The following ZNF710 variants were observed in gnomAD, a reference collection of about 807,000 sequenced individuals.
ZNF710 encodes zinc finger protein 710.
In ZNF710, 13 loss-of-function variants were observed where a neutral mutation model predicts 50.6. The ratio of observed to expected loss-of-function variants is 0.26; its 90% CI spans 0.17 to 0.41. The LOEUF (loss-of-function observed/expected upper bound fraction) is 0.41, where lower values mean the gene tolerates loss of function less well. Among genes scored for constraint, ZNF710 ranks in the 10% least tolerant of loss-of-function variants. The pLI is 1.00. For missense variants in ZNF710, 721 were observed against 936.6 expected, an observed-to-expected ratio of 0.77 and a Z score of 3.01; for synonymous variants, 383 against 397.0, an observed-to-expected ratio of 0.96 and a Z score of 0.42.
Position 90,062,051 on chromosome 15 carries a change from G to A in ZNF710, c.-28-5059G>A, listed in dbSNP as rs373927845. Among the ~76,000 whole-genome samples the A allele has an allele frequency of 1.0e-3, 157 of 151,900 alleles. No homozygotes were observed. The highest frequency in any genetic ancestry group is 3.4e-3 in the African/African-American group (141 of 41,400). On this transcript the variant is annotated intron_variant, in intron 1 of 4. Transcript: ENST00000268154. This position sits in a 1 kb window ranked among gnomAD's most constrained non-coding sequence, Gnocchi z 5.6. ...CTCAGGCCTGGGAGGTGGAGGTGCC[G>A]AGCCCTGGGAAATAGGGCAGTCCTG...
At chr15:90,054,331 G>C (rs531114894) in intron 1 of ZNF710, among the ~76,000 whole-genome samples, 1 of 152,210 alleles carries the variant, frequency 6.6e-6, no homozygotes, top group African/African-American at 2.4e-5. Context: ...CTTGGTGCAG[G>C]AGGGGTCTGA....
chr15:90,009,162 G>A (rs1898232594), intron 1 of ZNF710, among the ~76,000 whole-genome samples: 1 of 151,628 alleles, frequency 6.6e-6, no homozygotes, highest in African/African-American at 2.4e-5. Flanking sequence ...GTTCTCGGTG[G>A]GACTGCAAGG....
intron 2 of ZNF710, among the ~76,000 whole-genome samples, chr15:90,070,220 C>T (rs1358139360): frequency 6.6e-6 from 1 of 152,184 alleles, no homozygotes; most frequent in Non-Finnish European, 1.5e-5. Context: ...TCTAGCCAGG[C>T]ATGGTGCTGC....
intron 1 of ZNF710, among the ~76,000 whole-genome samples, chr15:90,012,488 T>C (rs1270925237): frequency 6.6e-6 from 1 of 151,912 alleles, no homozygotes; most frequent in African/African-American, 2.4e-5. Flanking sequence ...GCCAGGATAG[T>C]CTCGATCCCC....
chr15:90,055,308 T>G (rs28403233), intron 1 of ZNF710, among the ~76,000 whole-genome samples: 16,319 of 152,042 alleles, frequency 0.11, 1,038 homozygotes, highest in African/African-American at 0.15. Context: ...GGGAGAGGAA[T>G]GAGGAAGAGC....
At chr15:90,041,504 C>A (rs1322865295) in intron 1 of ZNF710, among the ~76,000 whole-genome samples, 1 of 152,148 alleles carries the variant, frequency 6.6e-6, no homozygotes, top group Non-Finnish European at 1.5e-5. Context: ...CAGTGAAATT[C>A]TTTATATCTT....
chr15:90,045,374 T>G lies in ZNF710; in HGVS notation c.-28-21736T>G, dbSNP rs577304841. Reference sequence around the variant, plus strand: ...TCAAGGACGTGAGCCATGGAGAGGTTAGACAGTGACGGCTGACAGGTTTGC... The same window carrying G: ...TCAAGGACGTGAGCCATGGAGAGGTGAGACAGTGACGGCTGACAGGTTTGC... On this transcript the variant is annotated intron_variant, in intron 1 of 4. Transcript: ENST00000268154. 1.1e-5 allele frequency: 11 copies of G among 985,380 alleles called. No individual in the cohort carries two copies. The East Asian group carries it at 1.0e-3, about 91-fold the overall frequency. 61.0% of individuals were successfully genotyped at this position (985,380 alleles called of 1,614,324 possible).
At position 90,073,300 on chromosome 15, in the gene ZNF710, G is replaced by A. The variant is rs374587677; in HGVS notation, c.1650+38G>A. 244 of 1,593,758 alleles carry A rather than the reference G, an allele frequency of 1.5e-4. 3 individuals carry two copies. The African/African-American group carries it at 2.5e-3, about 17-fold the overall frequency. ...CAGGCCCCGGGGCTGGGACCTCCCCGAGGGTGGTCTGGAATCAGCATGCCT... is the reference window on the plus strand; with the variant it reads ...CAGGCCCCGGGGCTGGGACCTCCCCAAGGGTGGTCTGGAATCAGCATGCCT... On this transcript the variant is annotated intron_variant, in intron 3 of 4. Transcript: ENST00000268154.
intron 1 of ZNF710, among the ~76,000 whole-genome samples, chr15:90,021,013 C>CG (rs1407718483): frequency 1.9e-5 from 2 of 104,728 alleles, no homozygotes; most frequent in African/African-American, 6.6e-5. Flanking sequence ...TGTGGCACCC[C>CG]CCCCCCCTTA....
At chr15:90,037,302 T>A (rs972545995) in intron 1 of ZNF710, among the ~76,000 whole-genome samples, 1 of 152,186 alleles carries the variant, frequency 6.6e-6, no homozygotes, top group Non-Finnish European at 1.5e-5. Context: ...CCAGCCTGGG[T>A]GTTGGCACTG....
chr15:90,067,827 G>A lies in ZNF710; in HGVS notation c.690G>A (p.Glu230=). Residue 230 remains glutamate (E), a synonymous_variant, in exon 2 of 5, where the codon GAG becomes GAA. Coordinates refer to ENST00000268154, the MANE Select transcript of ZNF710 (RefSeq NM_198526.4). The surrounding 1 kb of genome is among the most constrained non-coding windows in gnomAD (Gnocchi z 8.1). ...ACCTGGCCCCCCTGAGTGACCCCGA[G>A]GCCCCCAGCATGGAGTCCCCGGAGC... The part of the protein sequence containing the change: ...PPHLAPLSDP[E]APSMESPEPV... 1.3e-6 allele frequency: 2 copies of A among 1,588,098 alleles called. No homozygotes were observed. The highest frequency in any genetic ancestry group is 1.7e-6 in the Non-Finnish European group (2 of 1,165,754).
At position 90,040,343 on chromosome 15, in the gene ZNF710, G is replaced by T. The variant is rs1339286406; in HGVS notation, c.-28-26767G>T. On this transcript the variant is annotated intron_variant, in intron 1 of 4. Coordinates refer to ENST00000268154, the MANE Select transcript of ZNF710 (RefSeq NM_198526.4). This position sits in a 1 kb window ranked among gnomAD's most constrained non-coding sequence, Gnocchi z 4.6. ...TCCAGGGAGGTGTCCTTAGTGCTCC[G>T]GATGGGGTTGTTAAAGCCACATGTG... 6.6e-6 allele frequency among the ~76,000 whole-genome samples: 1 copy of T among 152,194 alleles called. No homozygotes were observed. Among genetic ancestry groups the T allele is most frequent in the African/African-American group, 2.4e-5 (1 of 41,450 alleles).
At chr15:90,002,264 TG>T (rs1301399430) in intron 1 of ZNF710, among the ~76,000 whole-genome samples, 1 of 150,826 alleles carries the variant, frequency 6.6e-6, no homozygotes, top group East Asian at 2.0e-4. Context: ...CTGGCGGGGC[TG>T]GGGGCGTCCC....
At chr15:90,031,401 A>G (rs1271771943) in intron 1 of ZNF710, among the ~76,000 whole-genome samples, 1 of 152,210 alleles carries the variant, frequency 6.6e-6, no homozygotes, top group African/African-American at 2.4e-5. Context: ...CTGAAGCAGA[A>G]TCTGCATTTT....
intron 2 of ZNF710, among the ~76,000 whole-genome samples, chr15:90,071,829 C>T (rs1319373783): frequency 1.3e-4 from 19 of 151,996 alleles, no homozygotes; most frequent in Non-Finnish European, 2.6e-4. Context: ...CAGGCGCATA[C>T]CACGCTCAGC....
At chr15:90,051,860 TCTC>T (rs1899655595) in intron 1 of ZNF710, among the ~76,000 whole-genome samples, 1 of 152,076 alleles carries the variant, frequency 6.6e-6, no homozygotes, top group Non-Finnish European at 1.5e-5. Flanking sequence ...ATTAGACCCT[TCTC>T]CTGTCACTAT....
chr15:90,014,512 TAA>T lies in ZNF710; in HGVS notation c.-29+12916_-29+12917del, dbSNP rs61272254. 4.6e-3 allele frequency among the ~76,000 whole-genome samples: 569 copies of T among 123,846 alleles called. 2 individuals are homozygous for T. The highest frequency in any genetic ancestry group is 0.014 in the African/African-American group (486 of 34,182). 81.2% of individuals were successfully genotyped at this position (123,846 alleles called of 152,430 possible). On this transcript the variant is annotated intron_variant, in intron 1 of 4. Coordinates refer to ENST00000268154, the MANE Select transcript of ZNF710 (RefSeq NM_198526.4). ...GGAAACATAGTGAGACCCTATCTCT[TAA>T]AAAAAAAAAAAAAAAAAGATGGCAT...
Position 90,068,733 on chromosome 15 carries a change from G to A in ZNF710, c.1458+138G>A. ...TACGTACTTATTTTGATGAGTATTAGAAATCAATTAGTATTAGAAACTAAT... is the reference window on the plus strand; with the variant it reads ...TACGTACTTATTTTGATGAGTATTAAAAATCAATTAGTATTAGAAACTAAT... On this transcript the variant is annotated intron_variant, in intron 2 of 4. Coordinates refer to ENST00000268154, the MANE Select transcript of ZNF710 (RefSeq NM_198526.4). This position sits in a 1 kb window ranked among gnomAD's most constrained non-coding sequence, Gnocchi z 5.0. 1 of 992,342 alleles carries A rather than the reference G, an allele frequency of 1.0e-6. No homozygotes were observed. Among genetic ancestry groups the A allele is most frequent in the Non-Finnish European group, 1.5e-6 (1 of 687,420 alleles). The allele number at this position is 992,342 out of a possible 1,614,324, so 61.5% of individuals were successfully genotyped here.
intron 1 of ZNF710, among the ~76,000 whole-genome samples, chr15:90,039,801 T>G (rs1313491986): frequency 6.6e-6 from 1 of 152,124 alleles, no homozygotes; most frequent in Non-Finnish European, 1.5e-5. Flanking sequence ...TCTGGGAAAC[T>G]GGATAACCGT....
Sources: allele counts gnomAD v4.1 joint callset (sites outside exome capture counted in the v4.1 genomes callset), GRCh38; gene constraint gnomAD v4.1.1; non-coding constraint Gnocchi (gnomAD v3.1); transcripts MANE v1.5; gene names NCBI Gene and HGNC (gene_info 2026-07-23, HGNC 2026-07-21).